Variants in EMILIN2 observed in about 807,000 individuals in gnomAD.
The protein encoded by EMILIN2 is elastin microfibril interfacer 2.
Under a neutral mutation model 87.1 loss-of-function variants are expected in EMILIN2, and 71 were observed. The ratio of observed to expected loss-of-function variants is 0.82; its 90% CI spans 0.67 to 0.99. EMILIN2 has a LOEUF of 0.99. Among genes scored for constraint, EMILIN2 ranks in the 50% least tolerant of loss-of-function variants. EMILIN2 has a pLI of 0.00. For missense variants in EMILIN2, 1,407 were observed against 1,371.8 expected, an observed-to-expected ratio of 1.03 and a Z score of -0.40; for synonymous variants, 581 against 563.4, an observed-to-expected ratio of 1.03 and a Z score of -0.44.
intron 2 of EMILIN2, among the ~76,000 whole-genome samples, chr18:2,850,743 G>A (rs539861705): frequency 2.0e-5 from 3 of 152,296 alleles, no homozygotes; most frequent in South Asian, 4.1e-4. Context: ...CATTTCTGCA[G>A]TTGAGAGTGA....
chr18:2,858,343 CCACTGTG>C (rs2076638169), intron 2 of EMILIN2, among the ~76,000 whole-genome samples: 2 of 150,520 alleles, frequency 1.3e-5, no homozygotes, highest in Admixed American at 1.3e-4. Flanking sequence ...TCCCCAAAGT[CCACTGTG>C]TCATTCTTAG....
chr18:2,903,062 T>G (rs575224515), intron 4 of EMILIN2, among the ~76,000 whole-genome samples: 36 of 151,964 alleles, frequency 2.4e-4, no homozygotes, highest in Admixed American at 1.6e-3. Context: ...TCCCCTGAGT[T>G]TTAGATAGAG....
At chr18:2,907,448 G>C (rs2076920099) in intron 5 of EMILIN2, among the ~76,000 whole-genome samples, 1 of 152,168 alleles carries the variant, frequency 6.6e-6, no homozygotes, top group African/African-American at 2.4e-5. Context: ...GCGTGGCTAG[G>C]CAGGAGGGCT....
In EMILIN2 at chr18:2,911,299, C is replaced by T. The variant is rs189893743; in HGVS notation, c.2824+1480C>T. ...TACCAGTGCCTAAGAGGGGGGCGTG[C>T]GCAGTGTTTCCTGGAGTTGTGCATG... On this transcript the variant is annotated intron_variant, in intron 7 of 7. Transcript: ENST00000254528. 4.4e-3 allele frequency among the ~76,000 whole-genome samples: 667 copies of T among 152,304 alleles called. 2 individuals are homozygous for T. Among genetic ancestry groups the T allele is most frequent in the Non-Finnish European group, 5.3e-3 (362 of 68,028 alleles).
chr18:2,899,995 A>G (rs1489063462), intron 4 of EMILIN2, among the ~76,000 whole-genome samples: 1 of 152,184 alleles, frequency 6.6e-6, no homozygotes, highest in Non-Finnish European at 1.5e-5. Context: ...CTTTGCAGAA[A>G]TTTAGACGCA....
Position 2,880,622 on chromosome 18 carries a change from C to T in EMILIN2, c.258-4342C>T, listed in dbSNP as rs1266834999. Among the ~76,000 whole-genome samples, 1 of 152,224 alleles carries T rather than the reference C, an allele frequency of 6.6e-6. No individual in the cohort carries two copies. On this transcript the variant is annotated intron_variant, in intron 2 of 7. Transcript: ENST00000254528. This position sits in a 1 kb window ranked among gnomAD's most constrained non-coding sequence, Gnocchi z 4.1. The stretch of plus-strand genomic sequence containing the variant: ...TCCGCCCCTCCAGCGCTGCGCAGCC[C>T]CGCCGCCTTAACTTTTCCTCTGGCT...
chr18:2,864,685 A>C (rs2076677746), intron 2 of EMILIN2, among the ~76,000 whole-genome samples: 1 of 150,106 alleles, frequency 6.7e-6, no homozygotes. Context: ...GAATCTGACA[A>C]TTATGTGTCT....
chr18:2,878,315 C>T (rs2076759971), intron 2 of EMILIN2, among the ~76,000 whole-genome samples: 1 of 151,964 alleles, frequency 6.6e-6, no homozygotes, highest in African/African-American at 2.4e-5. Context: ...CATGGCAAGA[C>T]CCTGTCTCTA....
chr18:2,906,149 G>A (rs1040404605), intron 4 of EMILIN2: 3 of 152,192 alleles, frequency 2.0e-5, no homozygotes, highest in African/African-American at 7.2e-5. Context: ...GCTTCCTGGA[G>A]GGCTCGTTCC....
rs753949136 is a variant in EMILIN2, at chr18:2,906,890, C to T, written c.2467C>T (p.Arg823Trp). The T allele has an allele frequency of 5.0e-6, 7 of 1,391,800 alleles. No individual in the cohort carries two copies. The South Asian group carries it at 9.3e-5, about 18-fold the overall frequency. The allele number at this position is 1,391,800 out of a possible 1,614,324, so 86.2% of individuals were successfully genotyped here. ...GPATAEDPGR[R>W]PVLPQRPPEE... ...CGCAACCGCAGAGGACCCTGGGCGA[C>T]GGCCCGTCCTGCCCCAGCGGCCCCC... Residue 823 changes from arginine to tryptophan, a missense_variant, in exon 5 of 8, where the codon CGG becomes TGG. Arg to Trp is a moderately radical substitution (Grantham distance 101, BLOSUM62 -3). Transcript: ENST00000254528.
intron 2 of EMILIN2, among the ~76,000 whole-genome samples, chr18:2,870,803 G>T (rs543066930): frequency 3.0e-4 from 46 of 152,316 alleles, no homozygotes; most frequent in African/African-American, 1.1e-3. Context: ...CAGCAGGGTT[G>T]GTTCTCCTGA....
intron 4 of EMILIN2, among the ~76,000 whole-genome samples, chr18:2,905,678 C>G (rs988948209): frequency 1.5e-4 from 23 of 152,038 alleles, no homozygotes; most frequent in Admixed American, 7.9e-4. Flanking sequence ...TCTCGGCTCC[C>G]TGCAACCTCC....
In EMILIN2 at chr18:2,913,647, T is replaced by TTTTGTCA; in HGVS notation, c.*244_*245insTTGTCAT. The stretch of plus-strand genomic sequence containing the variant: ...CACTCTAACTGGACAACTGGAAGAC[T>TTTTGTCA]TGGAAAGGCCTCCACCTGTATCTAC... On this transcript the variant is annotated 3_prime_UTR_variant, in exon 8 of 8. Transcript: ENST00000254528. The TTTTGTCA allele has an allele frequency of 5.2e-6, 2 of 383,294 alleles. No homozygotes were observed. The highest frequency in any genetic ancestry group is 1.0e-4 in the South Asian group (2 of 20,080). The allele number at this position is 383,294 out of a possible 1,614,324, so 23.7% of individuals were successfully genotyped here.
intron 4 of EMILIN2, among the ~76,000 whole-genome samples, chr18:2,903,800 C>G (rs2076898353): frequency 6.6e-6 from 1 of 152,146 alleles, no homozygotes; most frequent in Admixed American, 6.5e-5. Context: ...TGACCTCCCT[C>G]CTGGAATTCT....
intron 3 of EMILIN2, among the ~76,000 whole-genome samples, chr18:2,888,481 C>T (rs980550054): frequency 7.7e-4 from 117 of 151,736 alleles, no homozygotes; most frequent in African/African-American, 2.3e-3. Flanking sequence ...TTTGGGAGGC[C>T]GAGGCGGGTG....
intron 4 of EMILIN2, among the ~76,000 whole-genome samples, chr18:2,905,453 G>T (rs1232978178): frequency 6.6e-6 from 1 of 151,784 alleles, no homozygotes; most frequent in Non-Finnish European, 1.5e-5. Context: ...GGGTAATAGG[G>T]TATCTATTAC....
At chr18:2,869,265 C>T (rs887095822) in intron 2 of EMILIN2, among the ~76,000 whole-genome samples, 2 of 130,352 alleles carry the variant, frequency 1.5e-5, no homozygotes, top group Admixed American at 8.1e-5. Flanking sequence ...TACCTTAATG[C>T]AGAAATTACA....
At chr18:2,864,189 G>A (rs2076675025) in intron 2 of EMILIN2, among the ~76,000 whole-genome samples, 1 of 152,172 alleles carries the variant, frequency 6.6e-6, no homozygotes, top group East Asian at 1.9e-4. Context: ...GCCAGTCTGT[G>A]TCTTTTAATT....
At chr18:2,909,404 T>TCA (rs889986307) in intron 6 of EMILIN2, among the ~76,000 whole-genome samples, 1 of 151,798 alleles carries the variant, frequency 6.6e-6, no homozygotes, top group African/African-American at 2.4e-5. Flanking sequence ...GTGCACACAC[T>TCA]CACACGCACA....
Sources: gnomAD v4.1 joint callset for allele counts (sites outside exome capture counted in the v4.1 genomes callset) on GRCh38, gnomAD v4.1.1 for gene constraint, Gnocchi (gnomAD v3.1) non-coding constraint, MANE v1.5 for transcripts, NCBI Gene and HGNC (gene_info 2026-07-23, HGNC 2026-07-21) for gene names.